The following XKR4 variants were observed in gnomAD, a reference collection of about 807,000 sequenced individuals.
XKR4 encodes the protein XK-related protein 4.
Under a neutral mutation model 53.9 loss-of-function variants are expected in XKR4, and 12 were observed. The observed-to-expected ratio is 0.22, with a 90% CI of 0.14 to 0.36. The LOEUF is 0.36. Among genes scored for constraint, XKR4 ranks in the 10% least tolerant of loss-of-function variants. The pLI, the probability that XKR4 is intolerant of heterozygous loss-of-function variation, is 1.00. For missense variants in XKR4, 799 were observed against 859.5 expected (o/e 0.93, Z 0.88); for synonymous variants, 354 against 362.4 (o/e 0.98, Z 0.26).
chr8:55,380,141 A>G (rs1692780773), intron 2 of XKR4, among the ~76,000 whole-genome samples: 1 of 152,212 alleles, frequency 6.6e-6, no homozygotes, highest in Non-Finnish European at 1.5e-5. Flanking sequence ...CTGATGAGAG[A>G]CTGACTTGAG....
At chr8:55,190,933 T>C (rs187847230) in intron 1 of XKR4, among the ~76,000 whole-genome samples, 6 of 152,360 alleles carry the variant, frequency 3.9e-5, no homozygotes, top group African/African-American at 9.6e-5. Flanking sequence ...CTTCGTCTTA[T>C]GTGGACTAGG....
intron 2 of XKR4, among the ~76,000 whole-genome samples, chr8:55,428,123 AGT>A (rs1172566085): frequency 4.6e-5 from 7 of 152,236 alleles, no homozygotes; most frequent in Middle Eastern, 3.2e-3. Flanking sequence ...AGGAAGATGT[AGT>A]ATACATGCAT....
chr8:55,468,062 A>T (rs2083173988), intron 2 of XKR4, among the ~76,000 whole-genome samples: 2 of 152,162 alleles, frequency 1.3e-5, no homozygotes, highest in Admixed American at 6.5e-5. Flanking sequence ...AGAGAGAACC[A>T]TATAAATCAA....
rs560121871 is a variant in XKR4 at position 55,154,414 on chromosome 8, T to C, written c.806+51120T>C. On this transcript the variant is annotated intron_variant, in intron 1 of 2. Coordinates refer to ENST00000327381, the MANE Select transcript of XKR4 (RefSeq NM_052898.2). ...TTACAAACTTGAAGCCTAGCGAGAG[T>C]TGATATTCTTATTTAGAGAACATTT... Among the ~76,000 whole-genome samples the C allele has an allele frequency of 7.2e-5, 11 of 152,242 alleles. No homozygotes were observed. The East Asian group carries it at 2.1e-3, about 29-fold the overall frequency.
At chr8:55,161,345 G>A (rs1816981741) in intron 1 of XKR4, 1 of 353,258 alleles carries the variant, frequency 2.8e-6, no homozygotes, top group African/African-American at 2.1e-5. Flanking sequence ...ATTCAAATGT[G>A]TTCATAGCAT....
chr8:55,421,846 G>A (rs1404617759), intron 2 of XKR4, among the ~76,000 whole-genome samples: 6 of 152,160 alleles, frequency 3.9e-5, no homozygotes, highest in Non-Finnish European at 7.4e-5. Context: ...TGAGACACTA[G>A]GGAAGCAGCT....
chr8:55,447,749 T>C (rs911219112), intron 2 of XKR4, among the ~76,000 whole-genome samples: 1 of 152,226 alleles, frequency 6.6e-6, no homozygotes, highest in African/African-American at 2.4e-5. Flanking sequence ...AACTTCATTT[T>C]TAGAGTACTG....
rs1026625590 is a variant in XKR4, at chr8:55,103,058, C to A, written c.570C>A (p.Ala190=). ...AAASSCPQPG[A]DCKTVVGGGS... is the part of the protein sequence containing the mutation. ...CCTCCAGCTGCCCGCAGCCTGGAGC[C>A]GATTGCAAGACGGTGGTCGGCGGTG... Residue 190 remains alanine (A), a synonymous_variant, in exon 1 of 3, where the codon GCC becomes GCA. Coordinates refer to ENST00000327381, the MANE Select transcript of XKR4 (RefSeq NM_052898.2). 4.3e-6 allele frequency: 7 copies of A among 1,612,710 alleles called. No homozygotes were observed. The highest frequency in any genetic ancestry group is 5.9e-6 in the Non-Finnish European group (7 of 1,179,746).
Position 55,527,355 on chromosome 8 carries a change from G to A in XKR4, c.*3128G>A, listed in dbSNP as rs527312502. 2.0e-5 allele frequency: 3 copies of A among 152,316 alleles called. No individual in the cohort carries two copies. In the East Asian group the frequency reaches 5.8e-4, roughly 29 times the overall value. The allele number at this position is 152,316 out of a possible 1,614,324, so 9.4% of individuals were successfully genotyped here. A position where few individuals can be genotyped will look rare whatever the true frequency, so the allele number is the denominator to read the frequency against. Reference sequence around the variant, plus strand: ...TCTGCAGGCTCCTTTCTGTGTCTGAGTCCACTTTGATTCCATTTAAGAGGG... The same window carrying A: ...TCTGCAGGCTCCTTTCTGTGTCTGAATCCACTTTGATTCCATTTAAGAGGG... On this transcript the variant is annotated 3_prime_UTR_variant, in exon 3 of 3. Transcript: ENST00000327381.
intron 1 of XKR4, among the ~76,000 whole-genome samples, chr8:55,160,850 A>G (rs961378357): frequency 6.6e-6 from 1 of 152,212 alleles, no homozygotes; most frequent in Non-Finnish European, 1.5e-5. Context: ...ACTGGAATTC[A>G]TTAAATATTT....
chr8:55,168,471 A>C lies in XKR4; in HGVS notation c.806+65177A>C, dbSNP rs140319444. On this transcript the variant is annotated intron_variant, in intron 1 of 2. Transcript: ENST00000327381. The stretch of plus-strand genomic sequence containing the variant: ...ATTTTAAAATGCATCCTATGTTCCC[A>C]CTTCTGTGCACTTTTCTCTGTTCCT... Among the ~76,000 whole-genome samples, 512 of 152,230 alleles carry C rather than the reference A, an allele frequency of 3.4e-3. 3 individuals carry two copies. The highest frequency in any genetic ancestry group is 0.011 in the African/African-American group (477 of 41,526).
At chr8:55,196,429 C>T (rs769995112) in intron 1 of XKR4, among the ~76,000 whole-genome samples, 4 of 152,180 alleles carry the variant, frequency 2.6e-5, no homozygotes, top group South Asian at 2.1e-4. Context: ...GTGATCTGCC[C>T]GCCTCAGCCT....
Position 55,435,571 on chromosome 8 carries a change from T to A in XKR4, c.1006+77694T>A, listed in dbSNP as rs954382020. Among the ~76,000 whole-genome samples the A allele has an allele frequency of 2.4e-4, 34 of 143,462 alleles. 2 individuals are homozygous for A. Among genetic ancestry groups the A allele is most frequent in the African/African-American group, 8.5e-4 (34 of 39,818 alleles). The allele number at this position is 143,462 out of a possible 152,430, so 94.1% of individuals were successfully genotyped here. A position where few individuals can be genotyped will look rare whatever the true frequency, so the allele number is the denominator to read the frequency against. On this transcript the variant is annotated intron_variant, in intron 2 of 2. Coordinates refer to ENST00000327381, the MANE Select transcript of XKR4 (RefSeq NM_052898.2). ...CAACCTCTTTTTTTTTTTATTTTTT[T>A]ATTTTTTTTTAATTTTGAGATGTGG...
At chr8:55,125,480 C>T (rs1477380195) in intron 1 of XKR4, among the ~76,000 whole-genome samples, 8 of 152,192 alleles carry the variant, frequency 5.3e-5, no homozygotes, top group Non-Finnish European at 8.8e-5. Context: ...GTGATCCGCC[C>T]GCCTTGGTCT....
chr8:55,225,052 A>C (rs1817935022), intron 1 of XKR4, among the ~76,000 whole-genome samples: 1 of 152,244 alleles, frequency 6.6e-6, no homozygotes, highest in South Asian at 2.1e-4. Flanking sequence ...AATACTTAGA[A>C]TAAAACATAA....
intron 1 of XKR4, among the ~76,000 whole-genome samples, chr8:55,112,592 G>GTTTTTTTTTTTTTTTTTTTTTTTTTTT (rs1563459297): frequency 8.8e-6 from 1 of 114,046 alleles, no homozygotes. Context: ...TTTTTTTAGG[G>GTTTTTTTTTTTTTTTTTTTTTTTTTTT]AGCAGAGAGT....
intron 2 of XKR4, among the ~76,000 whole-genome samples, chr8:55,438,023 T>G (rs1805201568): frequency 6.7e-6 from 1 of 150,082 alleles, no homozygotes; most frequent in African/African-American, 2.5e-5. Flanking sequence ...GATGAATAGA[T>G]TAAAACTGAA....
At chr8:55,363,154 T>A (rs1803927653) in intron 2 of XKR4, among the ~76,000 whole-genome samples, 1 of 152,188 alleles carries the variant, frequency 6.6e-6, no homozygotes, top group South Asian at 2.1e-4. Context: ...TGCTACCTTA[T>A]CACTAATGGA....
Position 55,527,075 on chromosome 8 carries a change from A to G in XKR4, c.*2848A>G, listed in dbSNP as rs1357435021. The G allele has an allele frequency of 1.3e-5, 2 of 152,232 alleles. No homozygotes were observed. Among genetic ancestry groups the G allele is most frequent in the Non-Finnish European group, 2.9e-5 (2 of 68,034 alleles). The allele number at this position is 152,232 out of a possible 1,614,324, so 9.4% of individuals were successfully genotyped here. ...TAAATCATGATTTAGCCTTGCTTCC[A>G]TGATTCAGGAAGCACTACACTGCCA... On this transcript the variant is annotated 3_prime_UTR_variant, in exon 3 of 3. Transcript: ENST00000327381.
Sources: allele counts gnomAD v4.1 joint callset (sites outside exome capture counted in the v4.1 genomes callset), GRCh38; gene constraint gnomAD v4.1.1; transcripts MANE v1.5; gene names NCBI Gene and HGNC (gene_info 2026-07-23, HGNC 2026-07-21).